The following MYNN variants were observed in gnomAD, a reference collection of about 807,000 sequenced individuals.
MYNN encodes the protein myoneurin.
MYNN carries 22 observed loss-of-function variants against 57.2 expected under a neutral mutation model. The observed-to-expected ratio is 0.38, with a 90% confidence interval of 0.27 to 0.55. The LOEUF (loss-of-function observed/expected upper bound fraction) is 0.55, where lower values mean the gene tolerates loss of function less well. Ranked by LOEUF, MYNN falls within the 20% of genes least tolerant of loss-of-function variation. The pLI, the probability that MYNN is intolerant of heterozygous loss-of-function variation, is 0.71. For synonymous variants in MYNN, 241 were observed against 257.1 expected (o/e 0.94, Z 0.60); for missense variants, 566 against 723.1 (o/e 0.78, Z 2.49).
In MYNN at chr3:169,774,564, A is replaced by G; in HGVS notation, c.266+3A>G. ...ACAGGAACTTTAAATCTTGACAGGTAAAGTACACATTTTATTTTCAGTTAT... is the reference window on the plus strand; with the variant it reads ...ACAGGAACTTTAAATCTTGACAGGTGAAGTACACATTTTATTTTCAGTTAT... On this transcript the variant is annotated splice_donor_region_variant and intron_variant, in intron 2 of 7. Coordinates refer to ENST00000349841, the MANE Select transcript of MYNN (RefSeq NM_018657.5). 1 of 1,606,122 alleles carries G rather than the reference A, an allele frequency of 6.2e-7. No individual in the cohort carries two copies. The highest frequency in any genetic ancestry group is 8.5e-7 in the Non-Finnish European group (1 of 1,173,902).
At chr3:169,784,340 G>T (rs572056891) in intron 6 of MYNN, among the ~76,000 whole-genome samples, 3 of 152,054 alleles carry the variant, frequency 2.0e-5, no homozygotes, top group East Asian at 3.9e-4. Flanking sequence ...ATGTTTCATA[G>T]AAATACAAGA....
At chr3:169,776,127 C>T (rs979890370) in intron 2 of MYNN, among the ~76,000 whole-genome samples, 2 of 152,164 alleles carry the variant, frequency 1.3e-5, no homozygotes, top group Admixed American at 6.5e-5. Flanking sequence ...ACAAAAAAAT[C>T]TTCATTTGAA....
Position 169,789,300 on chromosome 3 carries a change from G to C in MYNN, c.*2622G>C, listed in dbSNP as rs1778758638. 1 of 152,096 alleles carries C rather than the reference G, an allele frequency of 6.6e-6. No individual in the cohort carries two copies. Among genetic ancestry groups the C allele is most frequent in the Non-Finnish European group, 1.5e-5 (1 of 68,002 alleles). 9.4% of individuals were successfully genotyped at this position (152,096 alleles called of 1,614,324 possible). The stretch of plus-strand genomic sequence containing the variant: ...AACAGTAGCTAATTTCTGTGTTTCA[G>C]TCCTACAGAAATTGTGTGAGTAGTT... On this transcript the variant is annotated 3_prime_UTR_variant, in exon 8 of 8. Transcript: ENST00000349841.
At chr3:169,779,609 T>C (rs1244759994) in intron 3 of MYNN, 48 bp downstream of exon 3, 3 of 1,547,404 alleles carry the variant, frequency 1.9e-6, no homozygotes, top group Non-Finnish European at 2.6e-6. Flanking sequence ...GTGACTAATA[T>C]AGTGTATTTT....
At chr3:169,779,586 T>G in intron 3 of MYNN, 25 bp downstream of exon 3, 1 of 1,597,918 alleles carries the variant, frequency 6.3e-7, no homozygotes, top group Non-Finnish European at 8.5e-7. Context: ...TGGGGAGATA[T>G]TATTTTTATA....
rs1179849730 is a variant in MYNN, at chr3:169,782,114, A to C, written c.1221-351A>C. On this transcript the variant is annotated intron_variant, in intron 4 of 7. Coordinates refer to ENST00000349841, the MANE Select transcript of MYNN (RefSeq NM_018657.5). This position sits in a 1 kb window ranked among gnomAD's most constrained non-coding sequence, Gnocchi z 4.8. The stretch of plus-strand genomic sequence containing the variant: ...TTTCTCAGTGAAATAGGAAGCAGGG[A>C]TGTCACCTGAGAGTTACAATGGGCA... 6.6e-6 allele frequency among the ~76,000 whole-genome samples: 1 copy of C among 152,144 alleles called. No homozygotes were observed. Among genetic ancestry groups the C allele is most frequent in the Non-Finnish European group, 1.5e-5 (1 of 68,020 alleles).
intron 3 of MYNN, 37 bp downstream of exon 3, chr3:169,779,598 T>C: frequency 6.3e-7 from 1 of 1,579,776 alleles, no homozygotes; most frequent in Non-Finnish European, 8.6e-7. Context: ...ATTTTTATAC[T>C]GTGACTAATA....
Position 169,779,298 on chromosome 3 carries a change from AC to A in MYNN, c.798del (p.Cys267ValfsTer3). ...VKRKRGKSQP[N>X]CALKEHSMSN... ...CGGAAACGTGGAAAATCACAGCCAA[AC>A]TGTGCTCTGAAAGAACACTCTATGT... On this transcript the variant is annotated frameshift_variant, in exon 3 of 8. Transcript: ENST00000349841. LOFTEE classifies it high-confidence loss of function. The A allele has an allele frequency of 2.5e-6, 4 of 1,614,176 alleles. No homozygotes were observed. The highest frequency in any genetic ancestry group is 3.4e-6 in the Non-Finnish European group (4 of 1,180,044).
At chr3:169,776,991 C>T (rs893864806) in intron 2 of MYNN, among the ~76,000 whole-genome samples, 1 of 152,154 alleles carries the variant, frequency 6.6e-6, no homozygotes, top group Non-Finnish European at 1.5e-5. Context: ...CGGCCTTGAA[C>T]AATTAATGTA....
intron 2 of MYNN, among the ~76,000 whole-genome samples, chr3:169,774,998 C>T (rs143284410): frequency 2.2e-4 from 33 of 152,252 alleles, no homozygotes; most frequent in Non-Finnish European, 4.1e-4. Flanking sequence ...ACTACCACAC[C>T]TGGCTAATTT....
In MYNN at chr3:169,787,163, G is replaced by C. The variant is rs567788036; in HGVS notation, c.*485G>C. 6.6e-6 allele frequency: 1 copy of C among 152,564 alleles called. No homozygotes were observed. The highest frequency in any genetic ancestry group is 1.5e-5 in the Non-Finnish European group (1 of 68,122). The allele number at this position is 152,564 out of a possible 1,614,324, so 9.5% of individuals were successfully genotyped here. ...AAAATAAAATTTCATATTTTCGCTCGTAAAAATTTAGGCGCTGAATAAGAA... is the reference window on the plus strand; with the variant it reads ...AAAATAAAATTTCATATTTTCGCTCCTAAAAATTTAGGCGCTGAATAAGAA... On this transcript the variant is annotated 3_prime_UTR_variant, in exon 8 of 8. Coordinates refer to ENST00000349841, the MANE Select transcript of MYNN (RefSeq NM_018657.5).
At chr3:169,783,898 G>T in intron 6 of MYNN, 1 of 282,412 alleles carries the variant, frequency 3.5e-6, no homozygotes. Flanking sequence ...ACTAAACAGT[G>T]TTTAGTATGC....
intron 2 of MYNN, chr3:169,778,483 G>T: frequency 3.9e-6 from 1 of 256,780 alleles, no homozygotes; most frequent in Non-Finnish European, 7.4e-6. Context: ...GTGTTCTAGG[G>T]TTTTAAAAAA....
intron 6 of MYNN, among the ~76,000 whole-genome samples, chr3:169,784,079 T>C (rs1431603957): frequency 6.6e-6 from 1 of 152,062 alleles, no homozygotes; most frequent in Non-Finnish European, 1.5e-5. Context: ...AATTCCTACC[T>C]AGAATAATGT....
chr3:169,778,157 GTTATCA>G (rs1778401903), intron 2 of MYNN: 1 of 141,410 alleles, frequency 7.1e-6, no homozygotes, highest in African/African-American at 2.4e-5. Flanking sequence ...GCTGCGGTGA[GTTATCA>G]TTATACCAGT....
At position 169,779,633 on chromosome 3, in the gene MYNN, T is replaced by G. The variant is rs1577396642; in HGVS notation, c.1060+72T>G. On this transcript the variant is annotated intron_variant, in intron 3 of 7. Transcript: ENST00000349841. ...ATAGTGTATTTTTATAGAGAGTACT[T>G]AGCACACACTACTTGTGACCAGAAT... is the stretch of plus-strand genomic sequence containing the variant. The G allele has an allele frequency of 7.1e-6, 10 of 1,409,246 alleles. No individual in the cohort carries two copies. The East Asian group carries it at 2.3e-4, about 33-fold the overall frequency. The allele number at this position is 1,409,246 out of a possible 1,614,324, so 87.3% of individuals were successfully genotyped here. A position where few individuals can be genotyped will look rare whatever the true frequency, so the allele number is the denominator to read the frequency against.
intron 3 of MYNN, 60 bp downstream of exon 3, chr3:169,779,621 A>G (rs1017578736): frequency 8.6e-6 from 13 of 1,511,230 alleles, no homozygotes; most frequent in South Asian, 1.3e-5. Context: ...GTGTATTTTT[A>G]TAGAGAGTAC....
chr3:169,779,062 C>A lies in MYNN; in HGVS notation c.561C>A (p.Asn187Lys). 3 of 1,614,134 alleles carry A rather than the reference C, an allele frequency of 1.9e-6. No homozygotes were observed. In the South Asian group the frequency reaches 3.3e-5, roughly 18 times the overall value. ...SQTKKKKKAF[N>K]SPKTGQNKTV... ...CGAAAAAGAAGAAGAAGGCTTTCAA[C>A]TCCCCGAAAACAGGGCAGAATAAAA... The change falls in exon 3 of 8, where the codon AAC becomes AAA. Residue 187 changes from asparagine to lysine, a missense_variant. Coordinates refer to ENST00000349841, the MANE Select transcript of MYNN (RefSeq NM_018657.5).
chr3:169,783,327 A>C, intron 5 of MYNN, 150 bp from the exon 6 acceptor site: 1 of 514,056 alleles, frequency 1.9e-6, no homozygotes, highest in Non-Finnish European at 3.5e-6. Context: ...ATATTCATTT[A>C]CTTGGATCAC....
Sources: gnomAD v4.1 joint callset for allele counts (sites outside exome capture counted in the v4.1 genomes callset) on GRCh38, gnomAD v4.1.1 for gene constraint, Gnocchi (gnomAD v3.1) non-coding constraint, MANE v1.5 for transcripts, NCBI Gene and HGNC (gene_info 2026-07-23, HGNC 2026-07-21) for gene names.